ACP4: variants seen among roughly 807,000 people sequenced by gnomAD.
ACP4 encodes the protein acid phosphatase 4.
A neutral mutation model predicts 47.3 loss-of-function variants in ACP4; 49 were observed. That is an observed-to-expected ratio of 1.04 (90% CI 0.82 to 1.32). ACP4 has a LOEUF of 1.32. Among genes scored for constraint, ACP4 ranks in the 40% most tolerant of loss-of-function variants. ACP4 has a pLI of 0.00. For missense variants in ACP4, 594 were observed against 579.3 expected (o/e 1.03, Z -0.26); for synonymous variants, 299 against 265.3 (o/e 1.13, Z -1.23).
Position 50,791,873 on chromosome 19 carries a change from G to A in ACP4, c.450+71G>A, listed in dbSNP as rs368495954. ...GAGAGAGGCAGCTCTGGGTCTGGCC[G>A]CCTGAGCTGGCTCCGAGAAGCAAGA... On this transcript the variant is annotated intron_variant, in intron 4 of 10. Transcript: ENST00000270593. The A allele has an allele frequency of 6.4e-5, 97 of 1,510,036 alleles. 2 individuals are homozygous for A. The highest frequency in any genetic ancestry group is 5.5e-4 in the South Asian group (44 of 80,186). The allele number at this position is 1,510,036 out of a possible 1,614,324, so 93.5% of individuals were successfully genotyped here.
intron 5 of ACP4, 35 bp downstream of exon 5, chr19:50,792,206 G>A: frequency 6.2e-7 from 1 of 1,611,816 alleles, no homozygotes; most frequent in Non-Finnish European, 8.5e-7. Flanking sequence ...GGGATGCAGG[G>A]GATGGGCCTG....
intron 4 of ACP4, 106 bp downstream of exon 4, chr19:50,791,908 A>G (rs1451874970): frequency 6.8e-7 from 1 of 1,479,194 alleles, no homozygotes; most frequent in African/African-American, 1.4e-5. Context: ...ACTGTCCTCG[A>G]GCTGGTCTGT....
At position 50,792,052 on chromosome 19, in the gene ACP4, C is replaced by T. The variant is rs755605074; in HGVS notation, c.451-21C>T. 4.5e-6 allele frequency: 7 copies of T among 1,557,338 alleles called. No homozygotes were observed. In the East Asian group the frequency reaches 1.4e-4, roughly 32 times the overall value. ...AAGGCAAGGCACACGGCTGTCCTCT[C>T]TGAGACTCAGTTTTCCCCAGCTGCT... On this transcript the variant is annotated intron_variant, in intron 4 of 10. Transcript: ENST00000270593.
chr19:50,790,877 C>A lies in ACP4; in HGVS notation c.303+17C>A, dbSNP rs1306747280. ...CGGGAGGAGGTAGGGCCATAGTGAC[C>A]CCCACCTGGCCCCCTGACCTCCCAC... is the stretch of plus-strand genomic sequence containing the variant. On this transcript the variant is annotated intron_variant, in intron 3 of 10. Coordinates refer to ENST00000270593, the MANE Select transcript of ACP4 (RefSeq NM_033068.3). The A allele has an allele frequency of 6.5e-7, 1 of 1,539,158 alleles. No homozygotes were observed. The highest frequency in any genetic ancestry group is 8.8e-7 in the Non-Finnish European group (1 of 1,141,166).
Position 50,793,726 on chromosome 19 carries a change from G to T in ACP4, c.688G>T (p.Val230Phe). ...ACTACCAGCCTGGGCCTCCCCAGAT[G>T]TCCTGCGGACTCTTGCCCAGATCTC... ...LPLPAWASPD[V>F]LRTLAQISAL... Residue 230 changes from valine (V) to phenylalanine (F), a missense_variant, in exon 7 of 11, where the codon GTC becomes TTC. Transcript: ENST00000270593. The T allele has an allele frequency of 6.2e-7, 1 of 1,613,758 alleles. No homozygotes were observed. The highest frequency in any genetic ancestry group is 1.1e-5 in the South Asian group (1 of 91,084).
At position 50,794,920 on chromosome 19, in the gene ACP4, A is replaced by T; in HGVS notation, c.1121A>T (p.His374Leu). ...ACTGCCCCGGCCCGGCCTCCCGCCC[A>T]TGGGGTCTCCTGCCATGGCCCCTAT... ...QLTAPARPPA[H>L]GVSCHGPYEA... Residue 374 changes from histidine to leucine, a missense_variant, in exon 10 of 11, where the codon CAT (histidine) becomes CTT (leucine). Physicochemically the swap from His to Leu is moderately conservative, Grantham distance 99. Transcript: ENST00000270593. 2 of 1,613,346 alleles carry T rather than the reference A, an allele frequency of 1.2e-6. No individual in the cohort carries two copies. Among genetic ancestry groups the T allele is most frequent in the Non-Finnish European group, 1.7e-6 (2 of 1,179,844 alleles).
chr19:50,792,208 A>T (rs1428465472), intron 5 of ACP4, 34 bp from the exon 6 acceptor site: 2 of 1,611,714 alleles, frequency 1.2e-6, no homozygotes, highest in East Asian at 2.2e-5. Flanking sequence ...GATGCAGGGG[A>T]TGGGCCTGGG....
chr19:50,792,506 T>C, intron 6 of ACP4, 169 bp downstream of exon 6: 1 of 648,326 alleles, frequency 1.5e-6, no homozygotes, highest in Non-Finnish European at 2.7e-6. Flanking sequence ...CCCAGGACGC[T>C]GTGAGGATTC....
rs933351892 is a variant in ACP4 at position 50,794,867 on chromosome 19, CT to C, written c.1069del (p.Cys357ValfsTer3). The C allele has an allele frequency of 1.9e-6, 3 of 1,613,598 alleles. No individual in the cohort carries two copies. The highest frequency in any genetic ancestry group is 2.5e-6 in the Non-Finnish European group (3 of 1,179,762). On this transcript the variant is annotated frameshift_variant, in exon 10 of 11. Coordinates refer to ENST00000270593, the MANE Select transcript of ACP4 (RefSeq NM_033068.3). LOFTEE classifies it high-confidence loss of function. ...PLSLPGCPAP[C>X]PLGRFYQLTA... ...TCAGCCTCCCCGGGTGCCCGGCCCC[CT>C]GTCCACTAGGCCGCTTCTACCAGCT...
At chr19:50,794,334 G>A in intron 8 of ACP4, 123 bp from the exon 9 acceptor site, 3 of 1,388,288 alleles carry the variant, frequency 2.2e-6, no homozygotes, top group South Asian at 2.8e-5. Context: ...AGGATGGGAG[G>A]AAGGAGTAGC....
rs768624904 is a variant in ACP4, at chr19:50,794,449, A to G, written c.862-8A>G. On this transcript the variant is annotated splice_region_variant and splice_polypyrimidine_tract_variant and intron_variant, in intron 8 of 10. Coordinates refer to ENST00000270593, the MANE Select transcript of ACP4 (RefSeq NM_033068.3). ...AAGTGCCGTCTCAGCCCTCGGGTCC[A>G]CCTGCAGCATGACAGCACCCTGCTG... 6.8e-6 allele frequency: 11 copies of G among 1,613,086 alleles called. No individual in the cohort carries two copies. The South Asian group carries it at 1.2e-4, about 18-fold the overall frequency.
In ACP4 at chr19:50,790,422, G is replaced by T; in HGVS notation, c.8G>T (p.Gly3Val). MA[G>V]LGFWGHPAGP... ...CGTCTGGGCTGGGTGGAAATGGCCG[G>T]CCTGGGGTTTTGGGGCCACCCTGCT... Residue 3 changes from glycine (G) to valine (V), a missense_variant, in exon 1 of 11, where the codon GGC (glycine) becomes GTC (valine). Transcript: ENST00000270593. The T allele has an allele frequency of 6.3e-7, 1 of 1,586,292 alleles. No individual in the cohort carries two copies. The highest frequency in any genetic ancestry group is 8.5e-7 in the Non-Finnish European group (1 of 1,169,670).
rs1390388233 is a variant in ACP4 at position 50,792,069 on chromosome 19, C to T, written c.451-4C>T. On this transcript the variant is annotated splice_polypyrimidine_tract_variant and splice_region_variant and intron_variant, in intron 4 of 10. Coordinates refer to ENST00000270593, the MANE Select transcript of ACP4 (RefSeq NM_033068.3). ...TGTCCTCTCTGAGACTCAGTTTTCCCCAGCTGCTGAGGTTCCCCATGCGCA... is the reference window on the plus strand; with the variant it reads ...TGTCCTCTCTGAGACTCAGTTTTCCTCAGCTGCTGAGGTTCCCCATGCGCA... 6.4e-7 allele frequency: 1 copy of T among 1,572,298 alleles called. No individual in the cohort carries two copies. The highest frequency in any genetic ancestry group is 8.6e-7 in the Non-Finnish European group (1 of 1,159,268).
At chr19:50,793,492 G>A in intron 6 of ACP4, 192 bp from the exon 7 acceptor site, 1 of 807,202 alleles carries the variant, frequency 1.2e-6, no homozygotes, top group Admixed American at 2.9e-5. Context: ...TCCAGCCTAG[G>A]TGATGGAGCA....
intron 3 of ACP4, among the ~76,000 whole-genome samples, 190 bp downstream of exon 3, chr19:50,791,050 C>T (rs142731628): frequency 6.6e-6 from 1 of 152,296 alleles, no homozygotes; most frequent in African/African-American, 2.4e-5. Flanking sequence ...CTCAACCTGT[C>T]ACATCTCGAC....
In ACP4 at chr19:50,791,746, C is replaced by T. The variant is rs778780636; in HGVS notation, c.394C>T (p.Pro132Ser). The T allele has an allele frequency of 1.2e-6, 2 of 1,612,846 alleles. No individual in the cohort carries two copies. The highest frequency in any genetic ancestry group is 1.7e-6 in the Non-Finnish European group (2 of 1,179,790). The change falls in exon 4 of 11, where the codon CCC becomes TCC. Residue 132 changes from proline to serine, a missense_variant. By Grantham distance (74) the Pro-to-Ser change is moderately conservative (BLOSUM62 -1). Coordinates refer to ENST00000270593, the MANE Select transcript of ACP4 (RefSeq NM_033068.3). ...GTTTCCCGAGGCTGCTCCAGGGAGC[C>T]CCGAGGCCCGCTGGAGGCCGATCCC... is the stretch of plus-strand genomic sequence containing the variant. ...GLFPEAAPGS[P>S]EARWRPIPVH...
At chr19:50,792,570 G>A in intron 6 of ACP4, 2 of 512,536 alleles carry the variant, frequency 3.9e-6, no homozygotes, top group Non-Finnish European at 6.9e-6. Context: ...TACAGTGAGG[G>A]CCTTGCCAGG....
intron 6 of ACP4, chr19:50,792,676 CTTTTTTT>C (rs781192952): frequency 1.6e-4 from 18 of 110,668 alleles, no homozygotes; most frequent in African/African-American, 3.0e-4. Flanking sequence ...TGATGCAATG[CTTTTTTT>C]TTTTTTTTTT....
intron 3 of ACP4, among the ~76,000 whole-genome samples, chr19:50,791,316 A>T (rs1203290642): frequency 6.6e-6 from 1 of 152,060 alleles, no homozygotes; most frequent in Non-Finnish European, 1.5e-5. Flanking sequence ...CTAACCTCTG[A>T]AGAACATGTA....
Sources: allele counts gnomAD v4.1 joint callset (sites outside exome capture counted in the v4.1 genomes callset), GRCh38; gene constraint gnomAD v4.1.1; transcripts MANE v1.5; gene names NCBI Gene and HGNC (gene_info 2026-07-23, HGNC 2026-07-21).